LZTS1: variants seen among roughly 807,000 people sequenced by gnomAD.
LZTS1 encodes leucine zipper tumor suppressor 1.
In LZTS1, 31 loss-of-function variants were observed where a neutral mutation model predicts 45.8. The ratio of observed to expected loss-of-function variants is 0.68; its 90% CI spans 0.51 to 0.91. The LOEUF (loss-of-function observed/expected upper bound fraction) is 0.91, where lower values mean the gene tolerates loss of function less well. LZTS1 is among the 40% of genes least tolerant of loss of function. LZTS1 has a pLI of 0.00. For missense variants in LZTS1, 821 were observed against 788.9 expected (o/e 1.04, Z -0.49); for synonymous variants, 359 against 357.3 (o/e 1.00, Z -0.05).
chr8:20,290,857 C>A (rs1401014428), intron 1 of LZTS1, among the ~76,000 whole-genome samples: 3 of 152,224 alleles, frequency 2.0e-5, no homozygotes, highest in Non-Finnish European at 4.4e-5. Context: ...AGAATAACCC[C>A]ACTTCTGTCC....
intron 1 of LZTS1, among the ~76,000 whole-genome samples, chr8:20,301,249 A>G (rs1234763007): frequency 6.6e-6 from 1 of 152,170 alleles, no homozygotes; most frequent in Admixed American, 6.5e-5. Flanking sequence ...ACATGGACAG[A>G]GCCAGGGTCC....
In LZTS1 at chr8:20,254,812, A is replaced by C. The variant is rs769439684; in HGVS notation, c.345+25T>G. On this transcript the variant is annotated intron_variant, in intron 2 of 3. Transcript: ENST00000381569. ...TTTCTCCTGCGTTTCCAACCCACTT[A>C]CCCTTGCCAGCGACCCCCGCTTACC... The C allele has an allele frequency of 1.8e-5, 28 of 1,574,124 alleles. No individual in the cohort carries two copies. The Admixed American group carries it at 4.9e-4, about 28-fold the overall frequency.
At chr8:20,293,476 G>A (rs555869648) in intron 1 of LZTS1, among the ~76,000 whole-genome samples, 14 of 152,190 alleles carry the variant, frequency 9.2e-5, no homozygotes, top group Non-Finnish European at 1.8e-4. Flanking sequence ...ACTCGGTGCT[G>A]ATTCTGTTTT....
intron 1 of LZTS1, among the ~76,000 whole-genome samples, chr8:20,269,806 T>C (rs1166038681): frequency 1.3e-5 from 2 of 152,158 alleles, no homozygotes; most frequent in African/African-American, 4.8e-5. Flanking sequence ...CTCTCCAAAA[T>C]TCTGATCTTC....
rs1048269437 is a variant in LZTS1, at chr8:20,249,042, C to T, written c.*680G>A. ...CAAGAACCAGTAAACAGGGGCTGGG[C>T]CCCAGGGGCTGGCCATCACCCGCCA... is the stretch of plus-strand genomic sequence containing the variant. On this transcript the variant is annotated 3_prime_UTR_variant, in exon 4 of 4. Transcript: ENST00000381569. 6.5e-6 allele frequency: 1 copy of T among 153,258 alleles called. No homozygotes were observed. Among genetic ancestry groups the T allele is most frequent in the Non-Finnish European group, 1.5e-5 (1 of 68,624 alleles). 9.5% of individuals were successfully genotyped at this position (153,258 alleles called of 1,614,324 possible).
chr8:20,301,332 C>T (rs1801073724), intron 1 of LZTS1, among the ~76,000 whole-genome samples: 1 of 152,086 alleles, frequency 6.6e-6, no homozygotes, highest in South Asian at 2.1e-4. Context: ...TAACTCTCCT[C>T]ATCTAATAAT....
Position 20,246,520 on chromosome 8 carries a change from TC to T in LZTS1, c.*3201del, listed in dbSNP as rs1799732933. The T allele has an allele frequency of 6.6e-6, 1 of 152,576 alleles. No individual in the cohort carries two copies. Among genetic ancestry groups the T allele is most frequent in the South Asian group, 2.1e-4 (1 of 4,842 alleles). The allele number at this position is 152,576 out of a possible 1,614,324, so 9.5% of individuals were successfully genotyped here. A position where few individuals can be genotyped will look rare whatever the true frequency, so the allele number is the denominator to read the frequency against. On this transcript the variant is annotated 3_prime_UTR_variant, in exon 4 of 4. Coordinates refer to ENST00000381569, the MANE Select transcript of LZTS1 (RefSeq NM_021020.5). The stretch of plus-strand genomic sequence containing the variant: ...GAAATCCCTCTCCCCAAGCTGCTGC[TC>T]CTCCAGCCAGGCCTGGCTTAGTTTC...
intron 1 of LZTS1, among the ~76,000 whole-genome samples, chr8:20,265,378 C>T (rs1237534489): frequency 6.6e-6 from 1 of 152,064 alleles, no homozygotes; most frequent in African/African-American, 2.4e-5. Flanking sequence ...AAAGAACTTG[C>T]ATCTCAGCTA....
intron 1 of LZTS1, among the ~76,000 whole-genome samples, chr8:20,277,895 G>A (rs941008378): frequency 6.6e-6 from 1 of 152,190 alleles, no homozygotes; most frequent in Admixed American, 6.5e-5. Context: ...GGAAGGCTGG[G>A]AGCAGGATAA....
rs142969550 is a variant in LZTS1 at position 20,249,986 on chromosome 8, G to C, written c.1527C>G (p.Ala509=). Residue 509 remains alanine, a synonymous_variant, in exon 4 of 4, where the codon GCC becomes GCG. Transcript: ENST00000381569. ...ALQRELERLR[A]ELREERQGHD... is the part of the protein sequence containing the mutation. The stretch of plus-strand genomic sequence containing the variant: ...GGCCTTGCCGCTCCTCCCGCAGCTC[G>C]GCCCGCAGCCGCTCCAGCTCCCGCT... 1.2e-6 allele frequency: 2 copies of C among 1,613,622 alleles called. No individual in the cohort carries two copies. The highest frequency in any genetic ancestry group is 8.5e-7 in the Non-Finnish European group (1 of 1,179,822).
chr8:20,285,265 T>A (rs1028367327), intron 1 of LZTS1, among the ~76,000 whole-genome samples: 6 of 152,196 alleles, frequency 3.9e-5, no homozygotes, highest in Non-Finnish European at 8.8e-5. Context: ...CACACCCTGA[T>A]GCCTTCCTTC....
In LZTS1 at chr8:20,249,894, A is replaced by G; in HGVS notation, c.1619T>C (p.Ile540Thr). ...CTGCTGCAGCTGTTTCTGGTACTGA[A>G]TCACCTTCTCCTTCTCCTCCTTCCA... ...LVWKEEKEKV[I>T]QYQKQLQQSY... The change falls in exon 4 of 4, where the codon ATT (isoleucine) becomes ACT (threonine). Residue 540 changes from isoleucine to threonine, a missense_variant. Coordinates refer to ENST00000381569, the MANE Select transcript of LZTS1 (RefSeq NM_021020.5). 6.2e-7 allele frequency: 1 copy of G among 1,614,040 alleles called. No homozygotes were observed. The highest frequency in any genetic ancestry group is 1.3e-5 in the African/African-American group (1 of 75,002).
At chr8:20,283,512 T>C (rs1265154702) in intron 1 of LZTS1, among the ~76,000 whole-genome samples, 1 of 152,150 alleles carries the variant, frequency 6.6e-6, no homozygotes, top group Non-Finnish European at 1.5e-5. Flanking sequence ...GGTATTTTTT[T>C]ATAGCCGCCC....
At chr8:20,286,255 A>G (rs1303729232) in intron 1 of LZTS1, among the ~76,000 whole-genome samples, 3 of 152,268 alleles carry the variant, frequency 2.0e-5, no homozygotes, top group Non-Finnish European at 2.9e-5. Context: ...CAAAGTACTC[A>G]TATCAGAACA....
In LZTS1 at chr8:20,280,323, C is replaced by A. The variant is rs553359505; in HGVS notation, c.-135+23417G>T. Reference sequence around the variant, plus strand: ...CTTCCCGCAGCCTGGCTTTGTCAGGCGTAACAGTCCTCTCTCATTCTCTGG... The same window carrying A: ...CTTCCCGCAGCCTGGCTTTGTCAGGAGTAACAGTCCTCTCTCATTCTCTGG... On this transcript the variant is annotated intron_variant, in intron 1 of 3. Coordinates refer to ENST00000381569, the MANE Select transcript of LZTS1 (RefSeq NM_021020.5). Among the ~76,000 whole-genome samples, 7 of 152,294 alleles carry A rather than the reference C, an allele frequency of 4.6e-5. No homozygotes were observed. The South Asian group carries it at 1.5e-3, about 32-fold the overall frequency.
chr8:20,258,466 G>A (rs183409550), intron 1 of LZTS1, among the ~76,000 whole-genome samples: 15 of 152,234 alleles, frequency 9.9e-5, no homozygotes, highest in Admixed American at 6.5e-4. Flanking sequence ...TCAAACTTGC[G>A]TTATCATCCT....
intron 1 of LZTS1, among the ~76,000 whole-genome samples, chr8:20,263,597 A>G (rs147799825): frequency 6.6e-6 from 1 of 152,248 alleles, no homozygotes; most frequent in East Asian, 1.9e-4. Flanking sequence ...GGAGCTGGAG[A>G]GACCATTGGA....
At chr8:20,251,618 G>C (rs1442126054) in intron 3 of LZTS1, among the ~76,000 whole-genome samples, 1 of 152,108 alleles carries the variant, frequency 6.6e-6, no homozygotes, top group Non-Finnish European at 1.5e-5. Flanking sequence ...CATTGCTCTT[G>C]GCCAAATTTT....
intron 1 of LZTS1, among the ~76,000 whole-genome samples, chr8:20,299,008 C>G (rs1035768076): frequency 6.6e-6 from 1 of 152,224 alleles, no homozygotes; most frequent in African/African-American, 2.4e-5. Context: ...GCTGACACAT[C>G]CCCATCAACT....
Sources: gnomAD v4.1 joint callset for allele counts (sites outside exome capture counted in the v4.1 genomes callset) on GRCh38, gnomAD v4.1.1 for gene constraint, MANE v1.5 for transcripts, NCBI Gene and HGNC (gene_info 2026-07-23, HGNC 2026-07-21) for gene names.